Variants in SSBP2 observed in about 807,000 individuals in gnomAD.
The protein encoded by SSBP2 is single stranded DNA binding protein 2, also known as single-stranded DNA-binding protein 2.
In SSBP2, 17 loss-of-function variants were observed where a neutral mutation model predicts 61.8. The observed-to-expected ratio is 0.28, with a 90% CI of 0.19 to 0.41. The LOEUF is 0.41. Among genes scored for constraint, SSBP2 ranks in the 10% least tolerant of loss-of-function variants. The pLI, the probability that SSBP2 is intolerant of heterozygous loss-of-function variation, is 1.00. For missense variants in SSBP2, 310 were observed against 458.7 expected, an observed-to-expected ratio of 0.68 and a Z score of 2.96; for synonymous variants, 139 against 141.3, an observed-to-expected ratio of 0.98 and a Z score of 0.12.
At chr5:81,657,863 T>G (rs1750358237) in intron 1 of SSBP2, among the ~76,000 whole-genome samples, 1 of 152,188 alleles carries the variant, frequency 6.6e-6, no homozygotes, top group African/African-American at 2.4e-5. Context: ...GATTTAGCTA[T>G]TTAAAATAAA....
intron 1 of SSBP2, among the ~76,000 whole-genome samples, chr5:81,740,628 A>G (rs1299945614): frequency 6.6e-6 from 1 of 152,112 alleles, no homozygotes; most frequent in Non-Finnish European, 1.5e-5. Context: ...AGAGACTCAT[A>G]ATTACAGGAT....
intron 4 of SSBP2, among the ~76,000 whole-genome samples, chr5:81,600,415 G>A (rs984528069): frequency 1.3e-5 from 2 of 151,812 alleles, no homozygotes; most frequent in African/African-American, 4.8e-5. Flanking sequence ...ACAAAAATTA[G>A]CTGGGCGTGG....
chr5:81,631,283 C>T (rs1014723944), intron 3 of SSBP2, among the ~76,000 whole-genome samples: 1 of 152,056 alleles, frequency 6.6e-6, no homozygotes, highest in Admixed American at 6.5e-5. Context: ...TGACCAAGTG[C>T]GGTTCCACTC....
chr5:81,687,370 C>A (rs904874702), intron 1 of SSBP2, among the ~76,000 whole-genome samples: 3 of 152,232 alleles, frequency 2.0e-5, no homozygotes, highest in African/African-American at 4.8e-5. Flanking sequence ...GCTTTACCAC[C>A]ATGGGCTAAA....
chr5:81,644,029 G>A (rs905140444), intron 2 of SSBP2, among the ~76,000 whole-genome samples: 2 of 152,166 alleles, frequency 1.3e-5, no homozygotes, highest in Admixed American at 1.3e-4. Context: ...GTAGTCACGT[G>A]TGGCTATTTC....
intron 10 of SSBP2, among the ~76,000 whole-genome samples, chr5:81,458,640 GACTA>G (rs1272022823): frequency 2.0e-5 from 3 of 152,164 alleles, no homozygotes; most frequent in Admixed American, 6.5e-5. Flanking sequence ...AGGAGTCAGA[GACTA>G]ACTGTATTGG....
At chr5:81,432,982 T>TG (rs71000832) in intron 15 of SSBP2, among the ~76,000 whole-genome samples, 37,967 of 115,780 alleles carry the variant, frequency 0.33, 6,173 homozygotes, top group African/African-American at 0.41. Context: ...GGGAGGGAGG[T>TG]GGGGGGGGTC....
chr5:81,657,189 A>G (rs573610357), intron 1 of SSBP2, among the ~76,000 whole-genome samples: 1 of 152,348 alleles, frequency 6.6e-6, no homozygotes, highest in East Asian at 1.9e-4. Context: ...AAAATTAAAT[A>G]CTAAACCTTT....
intron 9 of SSBP2, among the ~76,000 whole-genome samples, chr5:81,463,568 C>T (rs1054586673): frequency 2.6e-5 from 4 of 151,942 alleles, no homozygotes; most frequent in Admixed American, 6.6e-5. Flanking sequence ...GGCGTGGTGG[C>T]GCATGCCTGT....
At chr5:81,593,142 T>A (rs1743271900) in intron 4 of SSBP2, among the ~76,000 whole-genome samples, 1 of 151,918 alleles carries the variant, frequency 6.6e-6, no homozygotes, top group South Asian at 2.1e-4. Context: ...AGAGAAGTCC[T>A]TAAAGGACCT....
At position 81,712,383 on chromosome 5, in the gene SSBP2, T is replaced by G. The variant is rs1221863668; in HGVS notation, c.62+38598A>C. ...TTACAAGGCCGAGGCGGGTGGATCA[T>G]GAGGTCAGGAGATCGAGACCATCCT... On this transcript the variant is annotated intron_variant, in intron 1 of 16. Transcript: ENST00000320672. Among the ~76,000 whole-genome samples, 2 of 5,970 alleles carry G rather than the reference T, an allele frequency of 3.4e-4. 1 individual carries two copies. Among genetic ancestry groups the G allele is most frequent in the Non-Finnish European group, 6.6e-4 (2 of 3,032 alleles). 3.9% of individuals were successfully genotyped at this position (5,970 alleles called of 152,430 possible). A position where few individuals can be genotyped will look rare whatever the true frequency, so the allele number is the denominator to read the frequency against.
chr5:81,479,963 C>T (rs1380431461), intron 6 of SSBP2, among the ~76,000 whole-genome samples: 3 of 152,058 alleles, frequency 2.0e-5, no homozygotes, highest in African/African-American at 4.8e-5. Flanking sequence ...TGACCAGCAC[C>T]CTTCACCAGC....
intron 5 of SSBP2, among the ~76,000 whole-genome samples, chr5:81,509,504 CTGCAGGAAACCAA>C (rs1297050044): frequency 2.0e-5 from 3 of 152,194 alleles, no homozygotes; most frequent in Non-Finnish European, 4.4e-5. Flanking sequence ...AGTTCAGTAA[CTGCAGGAAACCAA>C]TGCTGATATT....
At chr5:81,601,540 A>C (rs1214630999) in intron 4 of SSBP2, among the ~76,000 whole-genome samples, 1 of 152,184 alleles carries the variant, frequency 6.6e-6, no homozygotes, top group Non-Finnish European at 1.5e-5. Flanking sequence ...ATATTTTACC[A>C]TTGGGGGAAC....
chr5:81,615,306 C>T (rs1745902476), intron 4 of SSBP2, 167 bp downstream of exon 4: 2 of 627,512 alleles, frequency 3.2e-6, no homozygotes, highest in East Asian at 5.6e-5. Flanking sequence ...TCAAATGCCC[C>T]TTTCTATTTC....
chr5:81,687,185 T>C (rs1342225628), intron 1 of SSBP2, among the ~76,000 whole-genome samples: 2 of 152,158 alleles, frequency 1.3e-5, no homozygotes, highest in Admixed American at 1.3e-4. Flanking sequence ...TCTGTGCCAT[T>C]GTGGGAGGGA....
At position 81,496,263 on chromosome 5, in the gene SSBP2, T is replaced by C. The variant is rs187039224; in HGVS notation, c.373-6954A>G. Reference sequence around the variant, plus strand: ...GGCGCGATCTCGGCTCACTGCAACCTCCGCCTCCTGAGTTCAAGTGATTCT... The same window carrying C: ...GGCGCGATCTCGGCTCACTGCAACCCCCGCCTCCTGAGTTCAAGTGATTCT... On this transcript the variant is annotated intron_variant, in intron 5 of 16. Coordinates refer to ENST00000320672, the MANE Select transcript of SSBP2 (RefSeq NM_012446.5). Among the ~76,000 whole-genome samples, 449 of 152,248 alleles carry C rather than the reference T, an allele frequency of 2.9e-3. 2 individuals carry two copies. The highest frequency in any genetic ancestry group is 0.011 in the African/African-American group (440 of 41,542).
intron 1 of SSBP2, among the ~76,000 whole-genome samples, chr5:81,654,713 G>C (rs1196236743): frequency 1.3e-5 from 2 of 152,192 alleles, no homozygotes; most frequent in Non-Finnish European, 2.9e-5. Flanking sequence ...GAACAGCCCG[G>C]AACAGTAATA....
At chr5:81,695,904 C>CT (rs1193564542) in intron 1 of SSBP2, among the ~76,000 whole-genome samples, 1 of 152,030 alleles carries the variant, frequency 6.6e-6, no homozygotes, top group Non-Finnish European at 1.5e-5. Flanking sequence ...GATTCTAATA[C>CT]TTATCAGAAA....
Sources: gnomAD v4.1 joint callset for allele counts (sites outside exome capture counted in the v4.1 genomes callset) on GRCh38, gnomAD v4.1.1 for gene constraint, MANE v1.5 for transcripts, NCBI Gene and HGNC (gene_info 2026-07-23, HGNC 2026-07-21) for gene names.